Variants in NXPH2 observed in about 807,000 individuals in gnomAD.
The protein encoded by NXPH2 is neurexophilin-2.
In NXPH2, 5 loss-of-function variants were observed where a neutral mutation model predicts 19.8. That is an observed-to-expected ratio of 0.25 (90% CI 0.13 to 0.53). The LOEUF (loss-of-function observed/expected upper bound fraction) is 0.53, where lower values mean the gene tolerates loss of function less well. NXPH2 is among the 20% of genes least tolerant of loss of function. The pLI is 0.96. For synonymous variants in NXPH2, 154 were observed against 127.4 expected (o/e 1.21, Z -1.41); for missense variants, 289 against 322.8 (o/e 0.90, Z 0.80).
At chr2:138,694,318 T>C (rs941837313) in intron 1 of NXPH2, among the ~76,000 whole-genome samples, 7 of 152,208 alleles carry the variant, frequency 4.6e-5, no homozygotes, top group African/African-American at 1.7e-4. Context: ...CCCGGGTACC[T>C]GTGATCGTGA....
chr2:138,768,365 T>C (rs571938143), intron 1 of NXPH2, among the ~76,000 whole-genome samples: 1 of 152,202 alleles, frequency 6.6e-6, no homozygotes, highest in African/African-American at 2.4e-5. Context: ...GCTCCTTCTT[T>C]AGTGAGAGTG....
At position 138,670,696 on chromosome 2, in the gene NXPH2, T is replaced by TG; in HGVS notation, c.*225_*226insC. On this transcript the variant is annotated 3_prime_UTR_variant, in exon 2 of 2. Transcript: ENST00000272641. The stretch of plus-strand genomic sequence containing the variant: ...TAGTCATCTTGCATGAAAGTGATGG[T>TG]TTCATAAACAGTTTAACTTTTTAGA... 4.8e-6 allele frequency: 2 copies of TG among 420,572 alleles called. No individual in the cohort carries two copies. The highest frequency in any genetic ancestry group is 1.2e-4 in the South Asian group (2 of 17,346). The allele number at this position is 420,572 out of a possible 1,614,324, so 26.1% of individuals were successfully genotyped here. A position where few individuals can be genotyped will look rare whatever the true frequency, so the allele number is the denominator to read the frequency against.
In NXPH2 at chr2:138,772,548, C is replaced by T. The variant is rs539185748; in HGVS notation, c.51+7643G>A. Among the ~76,000 whole-genome samples the T allele has an allele frequency of 2.0e-3, 311 of 152,290 alleles. 3 individuals are homozygous for T. The highest frequency in any genetic ancestry group is 6.9e-3 in the African/African-American group (286 of 41,556). On this transcript the variant is annotated intron_variant, in intron 1 of 1. Transcript: ENST00000272641. ...CCGACCTCAGGTGATCTCCCCACCT[C>T]GACCTCTCAAAGTGCTGGGACTACA...
At chr2:138,744,109 A>G (rs550538134) in intron 1 of NXPH2, among the ~76,000 whole-genome samples, 110 of 151,836 alleles carry the variant, frequency 7.2e-4, no homozygotes, top group African/African-American at 2.5e-3. Context: ...TAAGAACATT[A>G]CTCCATCCTC....
intron 1 of NXPH2, among the ~76,000 whole-genome samples, chr2:138,754,274 C>G (rs529908393): frequency 6.6e-6 from 1 of 152,184 alleles, no homozygotes; most frequent in Admixed American, 6.5e-5. Context: ...ATCACATATC[C>G]ACCATTAGAG....
intron 1 of NXPH2, among the ~76,000 whole-genome samples, chr2:138,672,126 G>T (rs527456578): frequency 1.3e-5 from 2 of 152,186 alleles, no homozygotes; most frequent in African/African-American, 4.8e-5. Flanking sequence ...ATATTAAGGG[G>T]ATTATTACAT....
At chr2:138,715,268 A>T (rs1300076779) in intron 1 of NXPH2, among the ~76,000 whole-genome samples, 1 of 152,198 alleles carries the variant, frequency 6.6e-6, no homozygotes, top group African/African-American at 2.4e-5. Context: ...CTCAATATTT[A>T]AAAAGCAGAG....
At chr2:138,672,479 T>C (rs1680429859) in intron 1 of NXPH2, among the ~76,000 whole-genome samples, 1 of 152,220 alleles carries the variant, frequency 6.6e-6, no homozygotes, top group Non-Finnish European at 1.5e-5. Context: ...GATTTTTCTT[T>C]TTATTCTTTG....
Position 138,764,644 on chromosome 2 carries a change from A to ACTAT in NXPH2, c.51+15543_51+15546dup, listed in dbSNP as rs201627582. Among the ~76,000 whole-genome samples, 517 of 152,230 alleles carry ACTAT rather than the reference A, an allele frequency of 3.4e-3. 3 individuals carry two copies. Among genetic ancestry groups the ACTAT allele is most frequent in the African/African-American group, 0.011 (466 of 41,532 alleles). ...TCTGATATAAATCATATATAATAGG[A>ACTAT]CTATCTATCTATCTATCTATGATGG... On this transcript the variant is annotated intron_variant, in intron 1 of 1. Transcript: ENST00000272641.
intron 1 of NXPH2, among the ~76,000 whole-genome samples, chr2:138,754,866 A>G (rs1315292565): frequency 6.6e-6 from 1 of 152,080 alleles, no homozygotes; most frequent in Non-Finnish European, 1.5e-5. Flanking sequence ...TTTGCATCCT[A>G]ATCAGTAATT....
chr2:138,682,820 T>C (rs761395411), intron 1 of NXPH2, among the ~76,000 whole-genome samples: 12 of 152,180 alleles, frequency 7.9e-5, no homozygotes, highest in Non-Finnish European at 1.5e-4. Context: ...ATGACAGTAA[T>C]CTGAAAAATC....
At chr2:138,778,044 T>C (rs1334251886) in intron 1 of NXPH2, among the ~76,000 whole-genome samples, 1 of 152,186 alleles carries the variant, frequency 6.6e-6, no homozygotes, top group Non-Finnish European at 1.5e-5. Flanking sequence ...CTGTCCTTTT[T>C]GACACCTACT....
At chr2:138,731,479 C>G (rs932243200) in intron 1 of NXPH2, among the ~76,000 whole-genome samples, 4 of 152,068 alleles carry the variant, frequency 2.6e-5, no homozygotes, top group Admixed American at 2.6e-4. Context: ...AGATAATCCT[C>G]TGTTTGTCAT....
At chr2:138,774,120 C>T (rs1682221135) in intron 1 of NXPH2, among the ~76,000 whole-genome samples, 1 of 152,258 alleles carries the variant, frequency 6.6e-6, no homozygotes, top group South Asian at 2.1e-4. Context: ...CAGTATTAAT[C>T]TGTAATGTTG....
At chr2:138,683,861 C>T (rs952206949) in intron 1 of NXPH2, among the ~76,000 whole-genome samples, 4 of 152,084 alleles carry the variant, frequency 2.6e-5, no homozygotes, top group Admixed American at 2.6e-4. Flanking sequence ...ATACATAGTA[C>T]AGTATTTCAC....
chr2:138,692,218 G>A (rs1680757065), intron 1 of NXPH2, among the ~76,000 whole-genome samples: 2 of 152,174 alleles, frequency 1.3e-5, no homozygotes, highest in African/African-American at 4.8e-5. Flanking sequence ...GGTTCCTGTT[G>A]AAGCAGGTTC....
chr2:138,764,194 C>T (rs974483618), intron 1 of NXPH2, among the ~76,000 whole-genome samples: 1 of 152,052 alleles, frequency 6.6e-6, no homozygotes, highest in Non-Finnish European at 1.5e-5. Flanking sequence ...AGGCATTCCC[C>T]TTCCTGAGTA....
At chr2:138,771,316 C>T (rs17658135) in intron 1 of NXPH2, among the ~76,000 whole-genome samples, 8,227 of 152,092 alleles carry the variant, frequency 0.054, 305 homozygotes, top group South Asian at 0.087. Context: ...TGTTACAGAA[C>T]ATGGTACTGT....
At chr2:138,769,356 A>G (rs936423011) in intron 1 of NXPH2, among the ~76,000 whole-genome samples, 3 of 152,174 alleles carry the variant, frequency 2.0e-5, no homozygotes, top group Non-Finnish European at 4.4e-5. Context: ...AATGACTACA[A>G]GATTTCCAGT....
Sources: gnomAD v4.1 joint callset for allele counts (sites outside exome capture counted in the v4.1 genomes callset) on GRCh38, gnomAD v4.1.1 for gene constraint, MANE v1.5 for transcripts, NCBI Gene and HGNC (gene_info 2026-07-23, HGNC 2026-07-21) for gene names.